Variants in SULT1A1 observed in about 807,000 individuals in gnomAD.
The protein encoded by SULT1A1 is sulfotransferase family 1A member 1, also known as sulfotransferase 1A1.
Under a neutral mutation model 36.8 loss-of-function variants are expected in SULT1A1, and 35 were observed. The observed-to-expected ratio is 0.95, with a 90% CI of 0.73 to 1.26. The LOEUF (loss-of-function observed/expected upper bound fraction) is 1.26. Among genes scored for constraint, SULT1A1 ranks in the 50% most tolerant of loss-of-function variants. The probability of loss-of-function intolerance (pLI) is 0.00; values close to 1 mark genes in which losing one functional copy is unlikely to be tolerated. For missense variants in SULT1A1, 309 were observed against 383.0 expected (o/e 0.81, Z 1.61); for synonymous variants, 119 against 146.0 (o/e 0.82, Z 1.33).
chr16:28,623,019 C>A, intron 1 of SULT1A1: 3 of 1,397,776 alleles, frequency 2.1e-6, no homozygotes, highest in Non-Finnish European at 2.9e-6. Flanking sequence ...GGCTCCTGCC[C>A]GGGTCCCCAG....
intron 2 of SULT1A1, chr16:28,620,018 C>T (rs368049500): frequency 6.8e-7 from 1 of 1,473,656 alleles, no homozygotes; most frequent in Non-Finnish European, 9.3e-7. Context: ...TGTGTATATA[C>T]ACACACAAAA....
chr16:28,610,394 G>A (rs1382301310), upstream of SULT1A1: 3 of 457,184 alleles, frequency 6.6e-6, no homozygotes, highest in African/African-American at 6.0e-5. Context: ...GGGAGGGATT[G>A]GAGGAGAAAG....
chr16:28,609,533 G>A, intron 1 of SULT1A1: 2 of 679,702 alleles, frequency 2.9e-6, no homozygotes, highest in Non-Finnish European at 4.4e-6. Flanking sequence ...GGAGGCTGAG[G>A]CCAGGAGTTG....
At chr16:28,607,236 T>A in intron 4 of SULT1A1, 159 bp from the exon 5 acceptor site, 2 of 1,335,468 alleles carry the variant, frequency 1.5e-6, no homozygotes, top group Non-Finnish European at 2.0e-6. Flanking sequence ...TGAACCCTGC[T>A]CAGAAGCCAA....
chr16:28,610,205 A>T (rs1438120965), upstream of SULT1A1: 1 of 1,283,664 alleles, frequency 7.8e-7, no homozygotes, highest in South Asian at 1.2e-5. Flanking sequence ...TGTAGAAAAC[A>T]GAAGAATGAA....
intron 1 of SULT1A1, among the ~76,000 whole-genome samples, chr16:28,621,208 G>T (rs764302963): frequency 6.6e-6 from 1 of 151,540 alleles, no homozygotes; most frequent in African/African-American, 2.4e-5. Flanking sequence ...AATCTCAGGT[G>T]CGAGGGCTCA....
Position 28,617,908 on chromosome 16 carries a change from C to CT in SULT1A1, c.138+2154dup, listed in dbSNP as rs541685127. On this transcript the variant is annotated intron_variant, in intron 2 of 5. Coordinates refer to the SULT1A1 transcript ENST00000350842. Reference sequence around the variant, plus strand: ...TTTAGACTGCTGGTATACCCTCTTTCTTTTCCTGAGGGTAGATGAGACTCA... The same window carrying CT: ...TTTAGACTGCTGGTATACCCTCTTTCTTTTTCCTGAGGGTAGATGAGACTCA... Among the ~76,000 whole-genome samples the CT allele has an allele frequency of 2.6e-4, 39 of 152,248 alleles. No homozygotes were observed. The East Asian group carries it at 7.3e-3, about 29-fold the overall frequency.
At chr16:28,609,371 A>T in intron 1 of SULT1A1, 1 of 1,290,410 alleles carries the variant, frequency 7.7e-7, no homozygotes, top group Non-Finnish European at 1.0e-6. Context: ...GCCTGGCCAC[A>T]GTCCATCTGG....
chr16:28,622,839 C>T (rs2047682424), intron 1 of SULT1A1, among the ~76,000 whole-genome samples: 2 of 152,196 alleles, frequency 1.3e-5, no homozygotes, highest in South Asian at 4.1e-4. Context: ...ACCCCAGAGT[C>T]TGAGCCCCGA....
chr16:28,605,683 C>T lies in SULT1A1; in HGVS notation c.*138G>A. 8 of 1,442,508 alleles carry T rather than the reference C, an allele frequency of 5.5e-6. No individual in the cohort carries two copies. In the South Asian group the frequency reaches 7.3e-5, roughly 13 times the overall value. The allele number at this position is 1,442,508 out of a possible 1,614,324, so 89.4% of individuals were successfully genotyped here. ...TCTCGAACTCCTGGGCTCAAATGATCCTCCCACCTCAGCCTCCAAATTGCT... is the reference window on the plus strand; with the variant it reads ...TCTCGAACTCCTGGGCTCAAATGATTCTCCCACCTCAGCCTCCAAATTGCT... On this transcript the variant is annotated 3_prime_UTR_variant, in exon 8 of 8. Transcript: ENST00000314752.
Position 28,607,057 on chromosome 16 carries a change from G to A in SULT1A1, c.393C>T (p.Asn131=), listed in dbSNP as rs143774918. The A allele has an allele frequency of 3.4e-4, 545 of 1,612,392 alleles. 9 individuals carry two copies. The highest frequency in any genetic ancestry group is 1.8e-3 in the African/African-American group (132 of 74,928). ...AGTAGGAAACTGCCACATCCTTTGC[G>A]TTGCGGGCAACATAGACCACCTGCA... ...QKVKVVYVAR[N]AKDVAVSYYH... is the part of the protein sequence containing the mutation. Residue 131 remains asparagine (N), a synonymous_variant, in exon 5 of 8, where the codon AAC becomes AAT. Transcript: ENST00000314752.
chr16:28,620,243 A>T (rs1235449884), intron 1 of SULT1A1: 1 of 1,012,532 alleles, frequency 9.9e-7, no homozygotes, highest in Non-Finnish European at 1.5e-6. Context: ...ACTATCATCC[A>T]TCAATATGAC....
intron 2 of SULT1A1, among the ~76,000 whole-genome samples, chr16:28,618,289 C>T (rs1457233222): frequency 1.3e-5 from 2 of 150,710 alleles, no homozygotes; most frequent in African/African-American, 4.9e-5. Flanking sequence ...CCTCTTGCCT[C>T]AGCCTCCCAA....
rs28374453 is a variant in SULT1A1, at chr16:28,606,092, A to G, written c.739T>C (p.Phe247Leu). Residue 247 changes from phenylalanine (F) to leucine (L), a missense_variant, in exon 7 of 8, where the codon TTC becomes CTC. By Grantham distance (22) the Phe-to-Leu change is conservative (BLOSUM62 0). Transcript: ENST00000314752. ...MTNYTTVPQEFMDHSISPFMR... is the reference protein window; with the variant it reads ...MTNYTTVPQELMDHSISPFMR... ...AAGGGGGAGATGCTGTGGTCCATGA[A>G]CTCCTGGGGGACGGTGGTGTAGTTG... 5,993 of 1,605,898 alleles carry G rather than the reference A, an allele frequency of 3.7e-3. 58 individuals carry two copies. The African/African-American group carries it at 0.059, about 16-fold the overall frequency.
chr16:28,608,167 A>G, intron 4 of SULT1A1, 124 bp downstream of exon 4: 1 of 1,359,716 alleles, frequency 7.4e-7, no homozygotes, highest in Non-Finnish European at 1.0e-6. Context: ...TTGTATTTTT[A>G]GTAGAGACAA....
chr16:28,609,856 C>A lies in SULT1A1; in HGVS notation c.-5+75G>T, dbSNP rs1183984038. Reference sequence around the variant, plus strand: ...GGGAAAGGGCAGGGATGCCAGAGGCCTCAGCTTCTGGAATGTTAGAGCCAC... The same window carrying A: ...GGGAAAGGGCAGGGATGCCAGAGGCATCAGCTTCTGGAATGTTAGAGCCAC... On this transcript the variant is annotated intron_variant, in intron 1 of 7. Transcript: ENST00000314752. 3 of 1,216,550 alleles carry A rather than the reference C, an allele frequency of 2.5e-6. No individual in the cohort carries two copies. The African/African-American group carries it at 4.7e-5, about 19-fold the overall frequency. The allele number at this position is 1,216,550 out of a possible 1,614,324, so 75.4% of individuals were successfully genotyped here. A position where few individuals can be genotyped will look rare whatever the true frequency, so the allele number is the denominator to read the frequency against.
intron 1 of SULT1A1, chr16:28,609,331 G>T (rs35067810): frequency 0.01 from 13,420 of 1,286,068 alleles, 432 homozygotes; most frequent in Non-Finnish European, 0.012. Flanking sequence ...TGTGGAAACC[G>T]CCCAGGCCAG....
chr16:28,608,928 G>C (rs2047339497), intron 1 of SULT1A1, 69 bp from the exon 2 acceptor site: 4 of 1,610,514 alleles, frequency 2.5e-6, no homozygotes. Context: ...TGGAATTCTT[G>C]CTTTCAGGGA....
At position 28,606,153 on chromosome 16, in the gene SULT1A1, G is replaced by A; in HGVS notation, c.678C>T (p.His226=). 6.2e-7 allele frequency: 1 copy of A among 1,611,630 alleles called. No homozygotes were observed. Among genetic ancestry groups the A allele is most frequent in the Non-Finnish European group, 8.5e-7 (1 of 1,178,208 alleles). Residue 226 remains histidine (H), a synonymous_variant, in exon 7 of 8, where the codon CAC becomes CAT. Transcript: ENST00000314752. ...PEETVDFVVQ[H]TSFKEMKKNP... Reference sequence around the variant, plus strand: ...TCTTCTTCATCTCCTTGAACGACGTGTGCTGAACCACGAAGTCCACGGTCT... The same window carrying A: ...TCTTCTTCATCTCCTTGAACGACGTATGCTGAACCACGAAGTCCACGGTCT...
Sources: allele counts gnomAD v4.1 joint callset (sites outside exome capture counted in the v4.1 genomes callset), GRCh38; gene constraint gnomAD v4.1.1; transcripts MANE v1.5; gene names NCBI Gene and HGNC (gene_info 2026-07-23, HGNC 2026-07-21).